IRF4: variants seen among roughly 807,000 people sequenced by gnomAD.
IRF4 encodes the protein interferon regulatory factor 4.
Under a neutral mutation model 55.5 loss-of-function variants are expected in IRF4, and 13 were observed. That is an observed-to-expected ratio of 0.23 (90% CI 0.15 to 0.37). The LOEUF (loss-of-function observed/expected upper bound fraction) is 0.37. IRF4 is among the 10% of genes least tolerant of loss of function. The pLI, the probability that IRF4 is intolerant of heterozygous loss-of-function variation, is 1.00. For synonymous variants in IRF4, 249 were observed against 240.7 expected, an observed-to-expected ratio of 1.03 and a Z score of -0.32; for missense variants, 397 against 593.8, an observed-to-expected ratio of 0.67 and a Z score of 3.44.
Position 393,089 on chromosome 6 carries a change from TC to T in IRF4, c.-55-5del, listed in dbSNP as rs1351021182. 1 of 1,433,364 alleles carries T rather than the reference TC, an allele frequency of 7.0e-7. No homozygotes were observed. Among genetic ancestry groups the T allele is most frequent in the Admixed American group, 2.1e-5 (1 of 48,014 alleles). 88.8% of individuals were successfully genotyped at this position (1,433,364 alleles called of 1,614,324 possible). A position where few individuals can be genotyped will look rare whatever the true frequency, so the allele number is the denominator to read the frequency against. The stretch of plus-strand genomic sequence containing the variant: ...CCTCGTGGCTGAAGGGCAGCTCTTC[TC>T]CCCGCAGTGCAGAGCAGAGCGGGCG... On this transcript the variant is annotated splice_region_variant and splice_polypyrimidine_tract_variant and intron_variant, in intron 1 of 8. Transcript: ENST00000380956. This position sits in a 1 kb window ranked among gnomAD's most constrained non-coding sequence, Gnocchi z 5.4.
intron 8 of IRF4, chr6:406,820 T>C (rs1036635411): frequency 8.4e-7 from 1 of 1,186,360 alleles, no homozygotes; most frequent in Non-Finnish European, 1.1e-6. Flanking sequence ...TCTAATATCA[T>C]GATTGATGGA....
In IRF4 at chr6:393,903, TACTCCC is replaced by T. The variant is rs1761189920; in HGVS notation, c.216+538_216+543del. 2.0e-5 allele frequency among the ~76,000 whole-genome samples: 3 copies of T among 152,146 alleles called. No homozygotes were observed. The highest frequency in any genetic ancestry group is 2.0e-4 in the Admixed American group (3 of 15,276). On this transcript the variant is annotated intron_variant, in intron 2 of 8. Transcript: ENST00000380956. The surrounding 1 kb of genome is among the most constrained non-coding windows in gnomAD (Gnocchi z 5.4). ...CTCGCTCCTGCTAGCTCTCTGCGGG[TACTCCC>T]ACCTCTGTCTTTCTCTTTGTGTGTC... is the stretch of plus-strand genomic sequence containing the variant.
rs761027628 is a variant in IRF4, at chr6:395,902, C to G, written c.459C>G (p.Thr153=). ...AGATGTCCATGAGCCACCCCTACAC[C>G]ATGACAACGCCTTACCCTTCGCTCC... ...DPQMSMSHPY[T]MTTPYPSLPA... The change falls in exon 4 of 9, where the codon ACC becomes ACG. Residue 153 remains threonine (T), a synonymous_variant. Transcript: ENST00000380956. 5 of 1,613,704 alleles carry G rather than the reference C, an allele frequency of 3.1e-6. No homozygotes were observed. The highest frequency in any genetic ancestry group is 3.4e-6 in the Non-Finnish European group (4 of 1,179,844).
At chr6:407,355 T>C (rs1761571376) in intron 8 of IRF4, 100 bp from the exon 9 acceptor site, 1 of 1,148,466 alleles carries the variant, frequency 8.7e-7, no homozygotes, top group Admixed American at 2.4e-5. Flanking sequence ...GATGTAACTT[T>C]GGGCTTTACG....
chr6:395,285 AAAAAAAG>A (rs1388426499), intron 3 of IRF4, among the ~76,000 whole-genome samples: 1 of 152,178 alleles, frequency 6.6e-6, no homozygotes, highest in Non-Finnish European at 1.5e-5. Context: ...TCTTTCAAAA[AAAAAAAG>A]AAAAAAGAAA....
Position 410,022 on chromosome 6 carries a change from G to T in IRF4, c.*2424G>T. 4.4e-6 allele frequency: 1 copy of T among 228,172 alleles called. No individual in the cohort carries two copies. Among genetic ancestry groups the T allele is most frequent in the Non-Finnish European group, 8.7e-6 (1 of 114,826 alleles). The allele number at this position is 228,172 out of a possible 1,614,324, so 14.1% of individuals were successfully genotyped here. A position where few individuals can be genotyped will look rare whatever the true frequency, so the allele number is the denominator to read the frequency against. On this transcript the variant is annotated 3_prime_UTR_variant, in exon 9 of 9. Transcript: ENST00000380956. Reference sequence around the variant, plus strand: ...TTTTTAAAATTCTGAGTGATCCAGGGTATGACCTAGGGAATGAACTAGCTA... The same window carrying T: ...TTTTTAAAATTCTGAGTGATCCAGGTTATGACCTAGGGAATGAACTAGCTA...
At chr6:403,058 A>G (rs574195191) in intron 7 of IRF4, among the ~76,000 whole-genome samples, 1 of 152,290 alleles carries the variant, frequency 6.6e-6, no homozygotes, top group African/African-American at 2.4e-5. Flanking sequence ...AAAAATAACT[A>G]AGCTCACACA....
chr6:402,622 G>A (rs749034467), intron 7 of IRF4, among the ~76,000 whole-genome samples: 15 of 152,304 alleles, frequency 9.8e-5, no homozygotes, highest in South Asian at 2.1e-4. Flanking sequence ...AATATGACAC[G>A]TCTGTGTGCT....
At chr6:402,158 G>C (rs191356634) in intron 7 of IRF4, among the ~76,000 whole-genome samples, 2 of 152,330 alleles carry the variant, frequency 1.3e-5, no homozygotes, top group East Asian at 3.9e-4. Context: ...TTGGTTGTCA[G>C]GTGTGTCACC....
At position 395,840 on chromosome 6, in the gene IRF4, C is replaced by T; in HGVS notation, c.404-7C>T. 1.2e-6 allele frequency: 2 copies of T among 1,611,152 alleles called. No individual in the cohort carries two copies. The highest frequency in any genetic ancestry group is 1.7e-6 in the Non-Finnish European group (2 of 1,177,996). ...TTGTGCCATTTCCCTTTTCCCCAAACATGTAGGAGCCAAGCAGCTCACCCT... is the reference window on the plus strand; with the variant it reads ...TTGTGCCATTTCCCTTTTCCCCAAATATGTAGGAGCCAAGCAGCTCACCCT... On this transcript the variant is annotated splice_polypyrimidine_tract_variant and splice_region_variant and intron_variant, in intron 3 of 8. Transcript: ENST00000380956.
At chr6:407,191 G>A (rs943247686) in intron 8 of IRF4, among the ~76,000 whole-genome samples, 14 of 152,166 alleles carry the variant, frequency 9.2e-5, no homozygotes, top group Non-Finnish European at 1.8e-4. Context: ...TTAGTTAAAT[G>A]TACATTTTAA....
Position 393,039 on chromosome 6 carries a change from G to A in IRF4, c.-55-59G>A. ...CTCGTGGTCACTGGCGCAGGGGATC[G>A]GGGCGGGGTGCCCGGAGTGCGGTGC... On this transcript the variant is annotated intron_variant, in intron 1 of 8. Transcript: ENST00000380956. The surrounding 1 kb of genome is among the most constrained non-coding windows in gnomAD (Gnocchi z 5.4). The A allele has an allele frequency of 1.0e-6, 1 of 977,886 alleles. No individual in the cohort carries two copies. The highest frequency in any genetic ancestry group is 2.8e-5 in the East Asian group (1 of 36,284). The allele number at this position is 977,886 out of a possible 1,614,324, so 60.6% of individuals were successfully genotyped here. A position where few individuals can be genotyped will look rare whatever the true frequency, so the allele number is the denominator to read the frequency against.
Position 397,261 on chromosome 6 carries a change from G to C in IRF4, c.637+9G>C. On this transcript the variant is annotated intron_variant, in intron 5 of 8. Transcript: ENST00000380956. ...CCCAGCTTGTGAAAATGGTAAGGAG[G>C]ATACCAGTGCAGGAAATAGAAGAGC... The C allele has an allele frequency of 6.2e-7, 1 of 1,614,100 alleles. No individual in the cohort carries two copies. The highest frequency in any genetic ancestry group is 8.5e-7 in the Non-Finnish European group (1 of 1,179,980).
chr6:395,827 C>T lies in IRF4; in HGVS notation c.404-20C>T. On this transcript the variant is annotated intron_variant, in intron 3 of 8. Coordinates refer to ENST00000380956, the MANE Select transcript of IRF4 (RefSeq NM_002460.4). Reference sequence around the variant, plus strand: ...TCCTGTTTTTACGTTGTGCCATTTCCCTTTTCCCCAAACATGTAGGAGCCA... The same window carrying T: ...TCCTGTTTTTACGTTGTGCCATTTCTCTTTTCCCCAAACATGTAGGAGCCA... 3 of 1,598,914 alleles carry T rather than the reference C, an allele frequency of 1.9e-6. No individual in the cohort carries two copies. The highest frequency in any genetic ancestry group is 2.6e-6 in the Non-Finnish European group (3 of 1,167,782).
In IRF4 at chr6:403,747, G is replaced by A. The variant is rs895873403; in HGVS notation, c.1100-1271G>A. 4.6e-5 allele frequency among the ~76,000 whole-genome samples: 7 copies of A among 152,236 alleles called. No individual in the cohort carries two copies. In the South Asian group the frequency reaches 1.4e-3, roughly 31 times the overall value. ...GAGGTTCAAGGAGGATGCTGTGAAC[G>A]TAAAAACTGCAGCTGTGCCAACCAG... On this transcript the variant is annotated intron_variant, in intron 7 of 8. Coordinates refer to ENST00000380956, the MANE Select transcript of IRF4 (RefSeq NM_002460.4).
chr6:394,765 G>T, intron 2 of IRF4, 56 bp from the exon 3 acceptor site: 1 of 1,516,106 alleles, frequency 6.6e-7, no homozygotes. Context: ...CAAAAAGAAA[G>T]CTAATAAACC....
At position 410,174 on chromosome 6, in the gene IRF4, G is replaced by T. The variant is rs1452756447; in HGVS notation, c.*2576G>T. 1 of 229,336 alleles carries T rather than the reference G, an allele frequency of 4.4e-6. No individual in the cohort carries two copies. The highest frequency in any genetic ancestry group is 2.2e-5 in the African/African-American group (1 of 45,136). 14.2% of individuals were successfully genotyped at this position (229,336 alleles called of 1,614,324 possible). A position where few individuals can be genotyped will look rare whatever the true frequency, so the allele number is the denominator to read the frequency against. ...ATTTAGTTTGTACTCAGTGGACAGT[G>T]CTGTTGAAGATTTGAGGACTTGTTA... On this transcript the variant is annotated 3_prime_UTR_variant, in exon 9 of 9. Coordinates refer to ENST00000380956, the MANE Select transcript of IRF4 (RefSeq NM_002460.4).
At chr6:396,897 T>C (rs1215925807) in intron 4 of IRF4, among the ~76,000 whole-genome samples, 1 of 109,950 alleles carries the variant, frequency 9.1e-6, no homozygotes, top group African/African-American at 4.1e-5. Context: ...TGCACTCCTT[T>C]ACCCCCGTCT....
intron 1 of IRF4, among the ~76,000 whole-genome samples, chr6:392,280 CAGG>C (rs1167071170): frequency 1.3e-5 from 2 of 152,254 alleles, no homozygotes; most frequent in African/African-American, 4.8e-5. Context: ...CCCGCTGGCG[CAGG>C]AGGAGGAGGA....
Sources: gnomAD v4.1 joint callset for allele counts (sites outside exome capture counted in the v4.1 genomes callset) on GRCh38, gnomAD v4.1.1 for gene constraint, Gnocchi (gnomAD v3.1) non-coding constraint, MANE v1.5 for transcripts, NCBI Gene and HGNC (gene_info 2026-07-23, HGNC 2026-07-21) for gene names.